CADM1: variants seen among roughly 807,000 people sequenced by gnomAD.
CADM1 encodes TSLC-1.
A neutral mutation model predicts 53.1 loss-of-function variants in CADM1; 15 were observed. That is an observed-to-expected ratio of 0.28 (90% CI 0.19 to 0.44). The LOEUF (loss-of-function observed/expected upper bound fraction) is 0.44, where lower values mean the gene tolerates loss of function less well. CADM1 is among the 20% of genes least tolerant of loss of function. CADM1 has a pLI of 1.00. For synonymous variants in CADM1, 281 were observed against 243.0 expected (o/e 1.16, Z -1.45); for missense variants, 434 against 611.3 (o/e 0.71, Z 3.06).
At chr11:115,269,884 C>T (rs1943249360) in intron 1 of CADM1, among the ~76,000 whole-genome samples, 1 of 152,172 alleles carries the variant, frequency 6.6e-6, no homozygotes. Context: ...CTTTTAAGAA[C>T]AACCTCTCTA....
intron 1 of CADM1, among the ~76,000 whole-genome samples, chr11:115,480,676 G>A (rs1949238298): frequency 6.6e-6 from 1 of 152,110 alleles, no homozygotes; most frequent in African/African-American, 2.4e-5. Flanking sequence ...GCCTCAGCTG[G>A]TTGCTTCCTA....
chr11:115,501,735 A>C (rs1191336012), intron 1 of CADM1, among the ~76,000 whole-genome samples: 1 of 152,122 alleles, frequency 6.6e-6, no homozygotes. Flanking sequence ...AAGCCTAATG[A>C]AGTCAGATGC....
intron 1 of CADM1, among the ~76,000 whole-genome samples, chr11:115,422,604 C>T: frequency 6.6e-6 from 1 of 152,194 alleles, no homozygotes; most frequent in Non-Finnish European, 1.5e-5. Flanking sequence ...TTTGTTATCT[C>T]ATCCTCTTAG....
chr11:115,352,463 A>C (rs969806840), intron 1 of CADM1, among the ~76,000 whole-genome samples: 9 of 152,242 alleles, frequency 5.9e-5, no homozygotes, highest in Admixed American at 2.0e-4. Context: ...TGATATTTTT[A>C]TATAACTGTC....
chr11:115,338,504 C>T (rs924679678), intron 1 of CADM1, among the ~76,000 whole-genome samples: 11 of 152,032 alleles, frequency 7.2e-5, no homozygotes, highest in Non-Finnish European at 1.3e-4. Context: ...TCTATTTTAC[C>T]TTGAATTTAC....
chr11:115,278,504 C>T (rs1943503708), intron 1 of CADM1, among the ~76,000 whole-genome samples: 1 of 152,076 alleles, frequency 6.6e-6, no homozygotes, highest in African/African-American at 2.4e-5. Flanking sequence ...TTTGTCATTA[C>T]TATGGAGGGT....
intron 4 of CADM1, 25 bp from the exon 5 acceptor site, chr11:115,229,296 A>C (rs904690949): frequency 6.2e-7 from 1 of 1,612,990 alleles, no homozygotes; most frequent in African/African-American, 1.3e-5. Flanking sequence ...ATGTACCAAG[A>C]CACCAGAGTT....
At chr11:115,232,013 T>TAAC (rs1555045692) in intron 3 of CADM1, among the ~76,000 whole-genome samples, 2,269 of 146,940 alleles carry the variant, frequency 0.015, 57 homozygotes, top group African/African-American at 0.052. Flanking sequence ...ATAATAATAA[T>TAAC]AACAACAACA....
At chr11:115,203,688 G>A (rs887177022) in intron 8 of CADM1, among the ~76,000 whole-genome samples, 9 of 151,990 alleles carry the variant, frequency 5.9e-5, no homozygotes, top group Non-Finnish European at 1.3e-4. Context: ...TATGATAGAG[G>A]CATTAAAAAC....
intron 1 of CADM1, among the ~76,000 whole-genome samples, chr11:115,250,767 T>C (rs903300480): frequency 6.6e-6 from 1 of 152,206 alleles, no homozygotes. Flanking sequence ...AACAATCTTA[T>C]GTGGTTCAAT....
intron 1 of CADM1, among the ~76,000 whole-genome samples, chr11:115,360,439 T>G (rs541714605): frequency 6.6e-6 from 1 of 152,358 alleles, no homozygotes; most frequent in Non-Finnish European, 1.5e-5. Flanking sequence ...TCAAATGGGT[T>G]ACTTGAGACA....
At chr11:115,419,251 TTG>T (rs1260049758) in intron 1 of CADM1, among the ~76,000 whole-genome samples, 3 of 152,186 alleles carry the variant, frequency 2.0e-5, no homozygotes, top group African/African-American at 4.8e-5. Flanking sequence ...TTCTAACCAT[TTG>T]CTTCTAATAG....
At chr11:115,189,256 C>T (rs915833562) in intron 10 of CADM1, among the ~76,000 whole-genome samples, 1 of 152,140 alleles carries the variant, frequency 6.6e-6, no homozygotes, top group Non-Finnish European at 1.5e-5. Context: ...TGGCGCAGTG[C>T]TGAGGCCCAG....
chr11:115,435,076 G>A (rs1413446477), intron 1 of CADM1, among the ~76,000 whole-genome samples: 2 of 151,818 alleles, frequency 1.3e-5, no homozygotes, highest in African/African-American at 4.8e-5. Context: ...GGCCAAGCTG[G>A]TCTTGAACTC....
At chr11:115,203,994 T>C (rs1940559838) in intron 8 of CADM1, among the ~76,000 whole-genome samples, 2 of 152,220 alleles carry the variant, frequency 1.3e-5, no homozygotes, top group Non-Finnish European at 2.9e-5. Context: ...AAAATATTCT[T>C]GTCACTAGGT....
At chr11:115,472,063 C>T (rs142189741) in intron 1 of CADM1, among the ~76,000 whole-genome samples, 16 of 152,250 alleles carry the variant, frequency 1.1e-4, no homozygotes, top group Non-Finnish European at 2.1e-4. Flanking sequence ...TTTGACCACA[C>T]CAGGGTCCCA....
chr11:115,501,281 A>G (rs1489043931), intron 1 of CADM1, among the ~76,000 whole-genome samples: 1 of 152,282 alleles, frequency 6.6e-6, no homozygotes, highest in East Asian at 1.9e-4. Context: ...CGGCTATTCA[A>G]TCTGATGCAG....
intron 1 of CADM1, among the ~76,000 whole-genome samples, chr11:115,326,805 C>T (rs1944970861): frequency 6.6e-6 from 1 of 152,270 alleles, no homozygotes; most frequent in East Asian, 1.9e-4. Flanking sequence ...AGTGAACAAA[C>T]GACTGCCTTT....
At chr11:115,428,222 A>C (rs747666989) in intron 1 of CADM1, among the ~76,000 whole-genome samples, 1 of 152,140 alleles carries the variant, frequency 6.6e-6, no homozygotes, top group Non-Finnish European at 1.5e-5. Context: ...ATAGGTTTAA[A>C]ATATCTAGAC....
Sources: gnomAD v4.1 joint callset for allele counts (sites outside exome capture counted in the v4.1 genomes callset) on GRCh38, gnomAD v4.1.1 for gene constraint, MANE v1.5 for transcripts, NCBI Gene and HGNC (gene_info 2026-07-23, HGNC 2026-07-21) for gene names.